The following PTPRM variants were observed in gnomAD, a reference collection of about 807,000 sequenced individuals.
PTPRM encodes the protein protein tyrosine phosphatase receptor type M.
A neutral mutation model predicts 186.7 loss-of-function variants in PTPRM; 47 were observed. That is an observed-to-expected ratio of 0.25 (90% confidence interval 0.20 to 0.32). The LOEUF is 0.32. PTPRM is among the 10% of genes least tolerant of loss of function. PTPRM has a pLI of 1.00. For missense variants in PTPRM, 1,494 were observed against 1,865.0 expected (o/e 0.80, Z 3.66); for synonymous variants, 668 against 674.9 (o/e 0.99, Z 0.16).
At chr18:7,734,837 C>T (rs534054614) in intron 1 of PTPRM, among the ~76,000 whole-genome samples, 3 of 152,238 alleles carry the variant, frequency 2.0e-5, no homozygotes, top group Non-Finnish European at 4.4e-5. Flanking sequence ...ACCTGTCTTC[C>T]TCTGGGTATT....
At position 7,888,308 on chromosome 18, in the gene PTPRM, T is replaced by C. The variant is rs145102453; in HGVS notation, c.399T>C (p.Ser133=). Residue 133 remains serine, a synonymous_variant, in exon 3 of 33, where the codon TCT becomes TCC. Transcript: ENST00000580170. ...TGGGGAATCCTATCTGGAATATATC[T>C]GGAGACCCAACACGTACATGGAACA... is the stretch of plus-strand genomic sequence containing the variant. ...GPLGNPIWNI[S]GDPTRTWNRA... The C allele has an allele frequency of 5.9e-4, 955 of 1,614,112 alleles. 2 individuals are homozygous for C. The highest frequency in any genetic ancestry group is 7.7e-4 in the Non-Finnish European group (911 of 1,180,044).
intron 19 of PTPRM, among the ~76,000 whole-genome samples, chr18:8,296,124 G>A (rs563230561): frequency 6.6e-6 from 1 of 152,324 alleles, no homozygotes; most frequent in East Asian, 1.9e-4. Flanking sequence ...CAGAGAAATT[G>A]TGGGTTCACT....
intron 14 of PTPRM, among the ~76,000 whole-genome samples, chr18:8,187,937 C>T (rs554996805): frequency 1.3e-5 from 2 of 152,296 alleles, no homozygotes; most frequent in African/African-American, 4.8e-5. Flanking sequence ...ATGGCAACTG[C>T]AAATGCTTAT....
At chr18:8,049,521 G>A (rs2087312792) in intron 7 of PTPRM, 1 of 152,132 alleles carries the variant, frequency 6.6e-6, no homozygotes, top group Non-Finnish European at 1.5e-5. Flanking sequence ...ATATTATATT[G>A]TGCTAGTATC....
At chr18:7,796,273 T>TA (rs1384815422) in intron 2 of PTPRM, among the ~76,000 whole-genome samples, 2 of 152,112 alleles carry the variant, frequency 1.3e-5, no homozygotes, top group African/African-American at 4.8e-5. Flanking sequence ...GTGCCCCTTA[T>TA]GCTCACACAA....
chr18:8,033,569 A>G (rs904684881), intron 7 of PTPRM, among the ~76,000 whole-genome samples: 21 of 152,218 alleles, frequency 1.4e-4, no homozygotes, highest in African/African-American at 5.1e-4. Context: ...ACTGAAGGCA[A>G]CTGTAACACA....
At chr18:8,292,982 A>G (rs1342492108) in intron 19 of PTPRM, among the ~76,000 whole-genome samples, 2 of 152,148 alleles carry the variant, frequency 1.3e-5, no homozygotes, top group Non-Finnish European at 2.9e-5. Flanking sequence ...CTTCGGATCT[A>G]GGTTGTGTTA....
chr18:8,115,590 G>A (rs1253855176), intron 13 of PTPRM, among the ~76,000 whole-genome samples: 4 of 152,192 alleles, frequency 2.6e-5, no homozygotes, highest in Non-Finnish European at 5.9e-5. Flanking sequence ...AACACTCAAA[G>A]TCAAATACAA....
intron 2 of PTPRM, among the ~76,000 whole-genome samples, chr18:7,811,554 TAA>T (rs2044518399): frequency 6.6e-6 from 1 of 152,058 alleles, no homozygotes; most frequent in Admixed American, 6.6e-5. Context: ...TTAGTAGAGA[TAA>T]AGTCTTGCTA....
At chr18:8,370,497 A>G (rs2095657297) in intron 23 of PTPRM, among the ~76,000 whole-genome samples, 1 of 152,224 alleles carries the variant, frequency 6.6e-6, no homozygotes, top group Non-Finnish European at 1.5e-5. Flanking sequence ...ACTCCTCCTA[A>G]AAAGTTTTCA....
intron 23 of PTPRM, among the ~76,000 whole-genome samples, chr18:8,349,694 T>C (rs1316230125): frequency 6.6e-6 from 1 of 152,246 alleles, no homozygotes; most frequent in East Asian, 1.9e-4. Context: ...ATCTTCAGAC[T>C]CCTGGTCCCC....
rs2045919852 is a variant in PTPRM, at chr18:7,834,446, T to C, written c.197-53660T>C. On this transcript the variant is annotated intron_variant, in intron 2 of 32. Coordinates refer to ENST00000580170, the MANE Select transcript of PTPRM (RefSeq NM_001105244.2). ...ATATGTAAATATAAGTATGTATATGTAAATATAAGTATGTATATATAAAAT... is the reference window on the plus strand; with the variant it reads ...ATATGTAAATATAAGTATGTATATGCAAATATAAGTATGTATATATAAAAT... Among the ~76,000 whole-genome samples the C allele has an allele frequency of 1.9e-5, 2 of 107,952 alleles. 1 individual carries two copies. The highest frequency in any genetic ancestry group is 2.1e-4 in the Admixed American group (2 of 9,596). 70.8% of individuals were successfully genotyped at this position (107,952 alleles called of 152,430 possible).
intron 1 of PTPRM, among the ~76,000 whole-genome samples, chr18:7,701,907 G>T (rs2039975568): frequency 6.6e-6 from 1 of 151,944 alleles, no homozygotes. Flanking sequence ...CTGTGTCCAT[G>T]TGTTCTCATT....
At chr18:8,104,968 T>G (rs1351362657) in intron 11 of PTPRM, among the ~76,000 whole-genome samples, 2 of 152,154 alleles carry the variant, frequency 1.3e-5, no homozygotes. Flanking sequence ...CCCTTTTTAT[T>G]TATTGGAGAA....
intron 1 of PTPRM, among the ~76,000 whole-genome samples, chr18:7,632,289 A>G (rs944051305): frequency 2.0e-5 from 3 of 152,214 alleles, no homozygotes; most frequent in Non-Finnish European, 4.4e-5. Flanking sequence ...GACATTTTAT[A>G]TGTAAAGAAA....
chr18:8,197,299 A>G (rs2093792953), intron 14 of PTPRM, among the ~76,000 whole-genome samples: 1 of 152,220 alleles, frequency 6.6e-6, no homozygotes, highest in South Asian at 2.1e-4. Context: ...AGTGTGCTCT[A>G]CAGATTCCGT....
intron 1 of PTPRM, among the ~76,000 whole-genome samples, chr18:7,736,033 C>T (rs1036872276): frequency 6.6e-6 from 1 of 151,638 alleles, no homozygotes; most frequent in African/African-American, 2.4e-5. Context: ...CAAGCTATAA[C>T]CTAACTACCT....
At chr18:8,017,582 CAAAAAAAAAAA>C (rs71354586) in intron 7 of PTPRM, among the ~76,000 whole-genome samples, 2 of 64,724 alleles carry the variant, frequency 3.1e-5, no homozygotes, top group African/African-American at 1.2e-4. Context: ...GACTCCTTCT[CAAAAAAAAAAA>C]AAAAAAAAAA....
chr18:7,813,350 T>A (rs1050290997), intron 2 of PTPRM, among the ~76,000 whole-genome samples: 1 of 152,236 alleles, frequency 6.6e-6, no homozygotes, highest in Non-Finnish European at 1.5e-5. Context: ...GATCAAGTGC[T>A]TGGAACCGGT....
Sources: gnomAD v4.1 joint callset for allele counts (sites outside exome capture counted in the v4.1 genomes callset) on GRCh38, gnomAD v4.1.1 for gene constraint, MANE v1.5 for transcripts, NCBI Gene and HGNC (gene_info 2026-07-23, HGNC 2026-07-21) for gene names.